Variants in TTLL7 observed in about 807,000 individuals in gnomAD.
TTLL7 encodes the protein tubulin polyglutamylase TTLL7.
TTLL7 carries 53 observed loss-of-function variants against 120.2 expected under a neutral mutation model. The observed-to-expected ratio is 0.44, with a 90% confidence interval of 0.35 to 0.55. TTLL7 has a LOEUF of 0.55. Ranked by LOEUF, TTLL7 falls within the 20% of genes least tolerant of loss-of-function variation. The pLI, the probability that TTLL7 is intolerant of heterozygous loss-of-function variation, is 0.00. For missense variants in TTLL7, 803 were observed against 1,054.7 expected, an observed-to-expected ratio of 0.76 and a Z score of 3.31; for synonymous variants, 353 against 351.7, an observed-to-expected ratio of 1.00 and a Z score of -0.04.
At chr1:83,907,399 C>T in intron 16 of TTLL7, 57 bp downstream of exon 16, 3 of 1,485,832 alleles carry the variant, frequency 2.0e-6, no homozygotes, top group African/African-American at 1.4e-5. Context: ...CATCTGATCC[C>T]CTTTGCCTGA....
intron 14 of TTLL7, 45 bp downstream of exon 14, chr1:83,917,559 G>A (rs369067476): frequency 6.1e-5 from 82 of 1,350,150 alleles, no homozygotes; most frequent in Admixed American, 1.5e-4. Flanking sequence ...TCAAGGGCTA[G>A]TAGCATCTAC....
At chr1:83,980,720 C>T (rs1048115163) in intron 1 of TTLL7, 2 of 152,060 alleles carry the variant, frequency 1.3e-5, no homozygotes, top group Admixed American at 6.6e-5. Flanking sequence ...GGGAAAAATA[C>T]AAGTACACAT....
intron 20 of TTLL7, among the ~76,000 whole-genome samples, chr1:83,875,712 T>A (rs1653868422): frequency 6.6e-6 from 1 of 151,896 alleles, no homozygotes; most frequent in African/African-American, 2.4e-5. Flanking sequence ...CCCTGATTAT[T>A]AGCTTAAACA....
chr1:83,972,438 C>G (rs184780824), intron 1 of TTLL7, among the ~76,000 whole-genome samples: 28 of 152,106 alleles, frequency 1.8e-4, no homozygotes, highest in African/African-American at 6.7e-4. Flanking sequence ...GACTTAATAG[C>G]TCATTTCTTT....
At chr1:83,981,033 T>TATAA (rs879378220) in intron 1 of TTLL7, 2 of 145,184 alleles carry the variant, frequency 1.4e-5, no homozygotes, top group African/African-American at 5.3e-5. Flanking sequence ...TTCAAAAACT[T>TATAA]ATAAATAAAT....
chr1:83,940,177 G>A (rs545786096), intron 7 of TTLL7, among the ~76,000 whole-genome samples: 5 of 152,106 alleles, frequency 3.3e-5, no homozygotes, highest in African/African-American at 1.2e-4. Flanking sequence ...CTCTCTTTGA[G>A]ATTAATCCCA....
intron 1 of TTLL7, among the ~76,000 whole-genome samples, chr1:83,996,287 G>A (rs990640281): frequency 2.0e-5 from 3 of 152,162 alleles, no homozygotes; most frequent in South Asian, 2.1e-4. Flanking sequence ...CCAGGAAACA[G>A]ACCATTTCCT....
At position 83,984,716 on chromosome 1, in the gene TTLL7, A is replaced by T. The variant is rs376561924; in HGVS notation, c.-177+14215T>A. Among the ~76,000 whole-genome samples, 65 of 152,270 alleles carry T rather than the reference A, an allele frequency of 4.3e-4. 1 individual carries two copies. The South Asian group carries it at 0.013, about 30-fold the overall frequency. On this transcript the variant is annotated intron_variant, in intron 1 of 20. Transcript: ENST00000260505. The stretch of plus-strand genomic sequence containing the variant: ...ATGTTCTCACTTATAAGTGGCAGCT[A>T]AACATGGGGTACTCACAGACATAAA...
At chr1:83,940,278 T>C (rs1571251543) in intron 7 of TTLL7, among the ~76,000 whole-genome samples, 1 of 152,262 alleles carries the variant, frequency 6.6e-6, no homozygotes, top group Non-Finnish European at 1.5e-5. Flanking sequence ...TTTCCAATAC[T>C]ATAAAAAGAT....
intron 19 of TTLL7, among the ~76,000 whole-genome samples, chr1:83,887,592 T>C (rs1295880162): frequency 4.6e-5 from 7 of 152,098 alleles, no homozygotes; most frequent in Non-Finnish European, 8.8e-5. Flanking sequence ...CAAATCGGTC[T>C]CAAAACTACT....
intron 6 of TTLL7, among the ~76,000 whole-genome samples, chr1:83,943,151 G>A (rs773274576): frequency 2.6e-5 from 4 of 152,200 alleles, no homozygotes; most frequent in Non-Finnish European, 4.4e-5. Context: ...TACTTTCAGA[G>A]ATAATTGTTG....
chr1:83,943,042 A>G (rs1648128920), intron 6 of TTLL7, among the ~76,000 whole-genome samples: 1 of 152,176 alleles, frequency 6.6e-6, no homozygotes, highest in Admixed American at 6.5e-5. Context: ...GGCTATTCTT[A>G]CGGTTAGTTG....
chr1:83,974,199 C>T (rs776488082), intron 1 of TTLL7, among the ~76,000 whole-genome samples: 3 of 151,736 alleles, frequency 2.0e-5, no homozygotes, highest in African/African-American at 4.8e-5. Context: ...TTCATGGGCA[C>T]GGGAAAAATG....
rs771400817 is a variant in TTLL7, at chr1:83,907,520, C to T, written c.1928G>A (p.Arg643His). Residue 643 changes from arginine to histidine, a missense_variant, in exon 16 of 21, where the codon CGT (arginine) becomes CAT (histidine). This residue lies in a region of TTLL7 where 388 missense variants were observed against 450.4 expected (regional missense o/e 0.86). Transcript: ENST00000260505. Reference sequence around the variant, plus strand: ...CAGATGCCTCATGTAGGAGGAAGCACGGTTTAAGGAATGTGACCGAGATGC... The same window carrying T: ...CAGATGCCTCATGTAGGAGGAAGCATGGTTTAAGGAATGTGACCGAGATGC... ...TSASRSHSLN[R>H]ASSYMRHLPH... The T allele has an allele frequency of 1.5e-5, 25 of 1,613,006 alleles. No homozygotes were observed. Among genetic ancestry groups the T allele is most frequent in the African/African-American group, 6.7e-5 (5 of 74,804 alleles).
intron 18 of TTLL7, 94 bp from the exon 19 acceptor site, chr1:83,890,575 C>T (rs1227637613): frequency 3.0e-6 from 3 of 1,011,662 alleles, no homozygotes; most frequent in Non-Finnish European, 4.4e-6. Context: ...CCAGACCAGC[C>T]TGGGCAATAT....
intron 16 of TTLL7, 41 bp from the exon 17 acceptor site, chr1:83,906,504 T>C: frequency 6.2e-7 from 1 of 1,609,746 alleles, no homozygotes; most frequent in African/African-American, 1.3e-5. Context: ...GGGGGTCTTA[T>C]TTCATTGTGC....
intron 14 of TTLL7, among the ~76,000 whole-genome samples, chr1:83,913,873 A>C (rs2100777553): frequency 6.6e-6 from 1 of 152,266 alleles, no homozygotes; most frequent in South Asian, 2.1e-4. Context: ...AGACAATATA[A>C]AGCTGTCTCA....
Position 83,911,264 on chromosome 1 carries a change from C to T in TTLL7, c.1687G>A (p.Asp563Asn). 2.5e-6 allele frequency: 4 copies of T among 1,613,574 alleles called. No homozygotes were observed. The highest frequency in any genetic ancestry group is 3.4e-6 in the Non-Finnish European group (4 of 1,179,704). Reference sequence around the variant, plus strand: ...TGGTACTCTTCTTTTTCATTTTCGTCAGATTCTGAAGAGCTGCTGCTACTA... The same window carrying T: ...TGGTACTCTTCTTTTTCATTTTCGTTAGATTCTGAAGAGCTGCTGCTACTA... ...YDSSSSSSES[D>N]ENEKEEYQNK... The change falls in exon 15 of 21, where the codon GAC (aspartate) becomes AAC (asparagine). Residue 563 changes from aspartate (D) to asparagine (N), a missense_variant. By Grantham distance (23) the Asp-to-Asn change is conservative (BLOSUM62 1). Coordinates refer to ENST00000260505, the MANE Select transcript of TTLL7 (RefSeq NM_024686.6).
At chr1:83,892,953 A>AGAAAGAAAG (rs71582910) in intron 18 of TTLL7, among the ~76,000 whole-genome samples, 2 of 65,406 alleles carry the variant, frequency 3.1e-5, no homozygotes, top group Non-Finnish European at 4.8e-5. Flanking sequence ...AAAGAAAGAA[A>AGAAAGAAAG]AGAATAAAAG....
Sources: allele counts gnomAD v4.1 joint callset (sites outside exome capture counted in the v4.1 genomes callset), GRCh38; gene constraint gnomAD v4.1.1; regional missense constraint gnomAD v4.1.1; transcripts MANE v1.5; gene names NCBI Gene and HGNC (gene_info 2026-07-23, HGNC 2026-07-21).